Variants in SLFN12L observed in about 807,000 individuals in gnomAD.
The protein encoded by SLFN12L is schlafen family member 12 like.
A neutral mutation model predicts 34.8 loss-of-function variants in SLFN12L; 34 were observed. The observed-to-expected ratio is 0.98, with a 90% CI of 0.74 to 1.30. The LOEUF (loss-of-function observed/expected upper bound fraction) is 1.30. SLFN12L is among the 50% of genes most tolerant of loss of function. The pLI, the probability that SLFN12L is intolerant of heterozygous loss-of-function variation, is 0.00. For synonymous variants in SLFN12L, 259 were observed against 247.5 expected, an observed-to-expected ratio of 1.05 and a Z score of -0.44; for missense variants, 703 against 696.2, an observed-to-expected ratio of 1.01 and a Z score of -0.11.
intron 1 of SLFN12L, among the ~76,000 whole-genome samples, chr17:35,531,254 A>T (rs2072408291): frequency 6.6e-6 from 1 of 152,148 alleles, no homozygotes; most frequent in Non-Finnish European, 1.5e-5. Flanking sequence ...TAGCACTTTT[A>T]TTTTTTTCAC....
chr17:35,490,219 G>C, intron 2 of SLFN12L: 1 of 1,579,780 alleles, frequency 6.3e-7, no homozygotes, highest in South Asian at 1.1e-5. Flanking sequence ...CTCTGGCAAA[G>C]TGAAGTCTGG....
At chr17:35,498,533 C>T (rs1192174281) in intron 2 of SLFN12L, 2 of 1,290,348 alleles carry the variant, frequency 1.5e-6, no homozygotes, top group Non-Finnish European at 2.3e-6. Flanking sequence ...TCCATCTCAG[C>T]CTGGTCCAGA....
At chr17:35,475,923 A>AT (rs766381656) in intron 4 of SLFN12L, among the ~76,000 whole-genome samples, 7 of 142,942 alleles carry the variant, frequency 4.9e-5, no homozygotes, top group South Asian at 4.3e-4. Context: ...ATATATATAT[A>AT]TTTTTTTAAA....
intron 1 of SLFN12L, among the ~76,000 whole-genome samples, chr17:35,524,969 TAGAC>T (rs1283759014): frequency 6.6e-6 from 1 of 151,970 alleles, no homozygotes; most frequent in African/African-American, 2.4e-5. Flanking sequence ...GAAAAAAGGT[TAGAC>T]AAATTGCTAA....
At chr17:35,505,415 C>T (rs1915433859) in intron 2 of SLFN12L, among the ~76,000 whole-genome samples, 1 of 152,166 alleles carries the variant, frequency 6.6e-6, no homozygotes, top group Non-Finnish European at 1.5e-5. Context: ...AACAGCTCTG[C>T]TAGCACAAGA....
chr17:35,506,422 G>A (rs936784385), intron 2 of SLFN12L, among the ~76,000 whole-genome samples: 2 of 152,160 alleles, frequency 1.3e-5, no homozygotes, highest in African/African-American at 4.8e-5. Context: ...AAGGGAAAGT[G>A]GCCCTTCCTG....
intron 2 of SLFN12L, among the ~76,000 whole-genome samples, chr17:35,488,409 C>G (rs568755452): frequency 1.6e-3 from 246 of 152,308 alleles, no homozygotes; most frequent in African/African-American, 5.7e-3. Flanking sequence ...ACAACTACCC[C>G]TTGCGGTGTA....
chr17:35,464,610 T>A lies in SLFN12L; in HGVS notation c.*10313A>T, dbSNP rs1913692533. 1 of 152,200 alleles carries A rather than the reference T, an allele frequency of 6.6e-6. No individual in the cohort carries two copies. The allele number at this position is 152,200 out of a possible 1,614,324, so 9.4% of individuals were successfully genotyped here. A position where few individuals can be genotyped will look rare whatever the true frequency, so the allele number is the denominator to read the frequency against. ...CAAAAGACATGATCTTGTTCTTTTT[T>A]ATGGCTGTGTAGTAGCCCATGGTGT... On this transcript the variant is annotated 3_prime_UTR_variant, in exon 5 of 5. Transcript: ENST00000628453.
At chr17:35,536,759 C>T (rs1235758338) in intron 1 of SLFN12L, among the ~76,000 whole-genome samples, 1 of 150,756 alleles carries the variant, frequency 6.6e-6, no homozygotes. Flanking sequence ...CAGTGAGCCA[C>T]GATTGCATCA....
Position 35,467,126 on chromosome 17 carries a change from G to A in SLFN12L, c.*7797C>T, listed in dbSNP as rs1913729035. Reference sequence around the variant, plus strand: ...GCCAGATGCCATAGTGCTGGAGGAGGTCACCTCTCCTCCAGACCCCTTGGT... The same window carrying A: ...GCCAGATGCCATAGTGCTGGAGGAGATCACCTCTCCTCCAGACCCCTTGGT... On this transcript the variant is annotated 3_prime_UTR_variant, in exon 5 of 5. Coordinates refer to ENST00000628453, the MANE Select transcript of SLFN12L (RefSeq NM_001363830.2). Among the ~76,000 whole-genome samples, 1 of 152,116 alleles carries A rather than the reference G, an allele frequency of 6.6e-6. No homozygotes were observed. Among genetic ancestry groups the A allele is most frequent in the African/African-American group, 2.4e-5 (1 of 41,428 alleles).
At position 35,471,145 on chromosome 17, in the gene SLFN12L, T is replaced by G. The variant is rs1413345077; in HGVS notation, c.*3778A>C. Among the ~76,000 whole-genome samples, 1 of 151,972 alleles carries G rather than the reference T, an allele frequency of 6.6e-6. No individual in the cohort carries two copies. The highest frequency in any genetic ancestry group is 1.9e-4 in the East Asian group (1 of 5,172). On this transcript the variant is annotated 3_prime_UTR_variant, in exon 5 of 5. Coordinates refer to ENST00000628453, the MANE Select transcript of SLFN12L (RefSeq NM_001363830.2). ...ATATGTGTGCATGTGTCTTTTTTTT[T>G]TTTTTTCTGAGACAGAGTTTTGCTC... is the stretch of plus-strand genomic sequence containing the variant.
intron 2 of SLFN12L, chr17:35,498,198 C>G: frequency 2.8e-6 from 2 of 711,228 alleles, no homozygotes; most frequent in South Asian, 3.0e-5. Flanking sequence ...GAGCCGGGGC[C>G]GCCTGGGATG....
intron 2 of SLFN12L, among the ~76,000 whole-genome samples, chr17:35,506,243 A>C (rs1432611020): frequency 6.6e-6 from 1 of 152,234 alleles, no homozygotes; most frequent in Non-Finnish European, 1.5e-5. Context: ...CATTAATAGT[A>C]ATAAGTTAGA....
chr17:35,485,848 G>A (rs1041944065), intron 2 of SLFN12L, among the ~76,000 whole-genome samples: 1 of 152,106 alleles, frequency 6.6e-6, no homozygotes, highest in Non-Finnish European at 1.5e-5. Context: ...CTGTTCCATT[G>A]GTCTACGTGT....
chr17:35,493,728 T>C (rs1914931927), intron 2 of SLFN12L, among the ~76,000 whole-genome samples: 2 of 152,348 alleles, frequency 1.3e-5, no homozygotes, highest in African/African-American at 4.8e-5. Flanking sequence ...TGTGCTTATA[T>C]GTACAGAGTT....
chr17:35,466,017 A>G lies in SLFN12L; in HGVS notation c.*8906T>C, dbSNP rs1376769269. On this transcript the variant is annotated 3_prime_UTR_variant, in exon 5 of 5. Coordinates refer to ENST00000628453, the MANE Select transcript of SLFN12L (RefSeq NM_001363830.2). Reference sequence around the variant, plus strand: ...TACTTAATTTTTCTAGAGCAGATTCACAGCAAAATTGAGCGGAAAGTACAA... The same window carrying G: ...TACTTAATTTTTCTAGAGCAGATTCGCAGCAAAATTGAGCGGAAAGTACAA... 6.6e-6 allele frequency among the ~76,000 whole-genome samples: 1 copy of G among 152,066 alleles called. No homozygotes were observed. Among genetic ancestry groups the G allele is most frequent in the Non-Finnish European group, 1.5e-5 (1 of 68,024 alleles).
rs188794514 is a variant in SLFN12L, at chr17:35,474,948, C to A, written c.1814G>T (p.Trp605Leu). Residue 605 changes from tryptophan (W) to leucine (L), a missense_variant, in exon 5 of 5, where the codon TGG (tryptophan) becomes TTG (leucine). Physicochemically the swap from Trp to Leu is moderately conservative, Grantham distance 61. Coordinates refer to ENST00000628453, the MANE Select transcript of SLFN12L (RefSeq NM_001363830.2). ...TCATCTCAAGAAAAAACAAACAAAC[C>A]AACAAACAAACAAACAAAAACGAAA... ...CLFRFCLFVCWFVCFFLR is the reference protein window; with the variant it reads ...CLFRFCLFVCLFVCFFLR 1.3e-6 allele frequency: 2 copies of A among 1,548,568 alleles called. No individual in the cohort carries two copies. The highest frequency in any genetic ancestry group is 2.4e-5 in the East Asian group (1 of 40,898).
chr17:35,535,488 CTT>C (rs772324342), intron 1 of SLFN12L, among the ~76,000 whole-genome samples: 12 of 139,338 alleles, frequency 8.6e-5, no homozygotes, highest in African/African-American at 7.9e-5. Context: ...CGCACCCAGC[CTT>C]TTTTTTTTTT....
chr17:35,530,532 GA>G lies in SLFN12L; in HGVS notation c.-606+7040del, dbSNP rs1567694794. ...AGAAAGAAAAGAAAAGAAAAGAAAA[GA>G]AAAGAAAAGAAAGAAAGAAAGAAAG... is the stretch of plus-strand genomic sequence containing the variant. On this transcript the variant is annotated intron_variant, in intron 1 of 4. Transcript: ENST00000628453. Among the ~76,000 whole-genome samples the G allele has an allele frequency of 5.1e-4, 53 of 103,426 alleles. 5 individuals are homozygous for G. The highest frequency in any genetic ancestry group is 2.0e-3 in the African/African-American group (50 of 24,748). The allele number at this position is 103,426 out of a possible 152,430, so 67.9% of individuals were successfully genotyped here. A position where few individuals can be genotyped will look rare whatever the true frequency, so the allele number is the denominator to read the frequency against.
Sources: gnomAD v4.1 joint callset for allele counts (sites outside exome capture counted in the v4.1 genomes callset) on GRCh38, gnomAD v4.1.1 for gene constraint, MANE v1.5 for transcripts, NCBI Gene and HGNC (gene_info 2026-07-23, HGNC 2026-07-21) for gene names.